GRAMD1C: variants seen among roughly 807,000 people sequenced by gnomAD.
GRAMD1C encodes GRAM domain containing 1C.
GRAMD1C carries 89 observed loss-of-function variants against 97.8 expected under a neutral mutation model. That is an observed-to-expected ratio of 0.91 (90% CI 0.77 to 1.09). GRAMD1C has a LOEUF of 1.09. GRAMD1C is among the 50% of genes least tolerant of loss of function. The pLI is 0.00. For synonymous variants in GRAMD1C, 256 were observed against 267.0 expected (o/e 0.96, Z 0.40); for missense variants, 740 against 766.4 (o/e 0.97, Z 0.41).
intron 2 of GRAMD1C, among the ~76,000 whole-genome samples, chr3:113,864,704 A>G (rs534214355): frequency 6.6e-6 from 1 of 152,194 alleles, no homozygotes; most frequent in Non-Finnish European, 1.5e-5. Context: ...CCACATTTCT[A>G]CGGACGTTCT....
rs543764776 is a variant in GRAMD1C at position 113,859,182 on chromosome 3, TCTC to T, written c.175-10322_175-10320del. Among the ~76,000 whole-genome samples the T allele has an allele frequency of 1.8e-4, 28 of 152,274 alleles. No individual in the cohort carries two copies. The South Asian group carries it at 2.7e-3, about 15-fold the overall frequency. On this transcript the variant is annotated intron_variant, in intron 2 of 17. Coordinates refer to ENST00000358160, the MANE Select transcript of GRAMD1C (RefSeq NM_017577.5). Reference sequence around the variant, plus strand: ...TTGGATGCTTAGATTATTTCAGACTTCTCCTTTTTTTCTAATGTGGGCATTTAG... The same window carrying T: ...TTGGATGCTTAGATTATTTCAGACTTCTTTTTTTCTAATGTGGGCATTTAG...
rs186153219 is a variant in GRAMD1C, at chr3:113,920,185, A to G, written c.1090+4347A>G. 1.6e-5 allele frequency: 22 copies of G among 1,357,408 alleles called. No individual in the cohort carries two copies. The African/African-American group carries it at 2.9e-4, about 18-fold the overall frequency. 84.1% of individuals were successfully genotyped at this position (1,357,408 alleles called of 1,614,324 possible). On this transcript the variant is annotated intron_variant, in intron 10 of 17. Transcript: ENST00000358160. ...CTCCAGAATCACAGGCATCTGCTCA[A>G]CAGCCTGAAATGTGAACTGAATAGG...
chr3:113,834,971 C>T (rs1410571863), upstream of GRAMD1C, among the ~76,000 whole-genome samples: 2 of 148,972 alleles, frequency 1.3e-5, no homozygotes, highest in Non-Finnish European at 3.0e-5. Flanking sequence ...CTGATATTTC[C>T]TTTTCCATGA....
chr3:113,897,589 A>G lies in GRAMD1C; in HGVS notation c.541-3442A>G, dbSNP rs958494787. The stretch of plus-strand genomic sequence containing the variant: ...TTAAACTACATTAGAAAAGCTTCTC[A>G]TAGCAAAACTGAGAGATTGAAGCAG... On this transcript the variant is annotated intron_variant, in intron 6 of 17. Coordinates refer to ENST00000358160, the MANE Select transcript of GRAMD1C (RefSeq NM_017577.5). 7 of 981,488 alleles carry G rather than the reference A, an allele frequency of 7.1e-6. No homozygotes were observed. The South Asian group carries it at 2.4e-4, about 33-fold the overall frequency. 60.8% of individuals were successfully genotyped at this position (981,488 alleles called of 1,614,324 possible).
At chr3:113,857,485 C>G (rs568919731) in intron 2 of GRAMD1C, among the ~76,000 whole-genome samples, 3 of 152,048 alleles carry the variant, frequency 2.0e-5, no homozygotes, top group Non-Finnish European at 4.4e-5. Context: ...ACACCATTCT[C>G]CTGCCTCAGC....
At chr3:113,901,001 A>G in intron 6 of GRAMD1C, 30 bp from the exon 7 acceptor site, 1 of 1,042,892 alleles carries the variant, frequency 9.6e-7, no homozygotes, top group African/African-American at 1.6e-5. Flanking sequence ...ATATTTTCCA[A>G]TGCTCAGTGT....
chr3:113,856,830 C>T (rs1013753602), intron 2 of GRAMD1C, among the ~76,000 whole-genome samples: 4 of 149,206 alleles, frequency 2.7e-5, no homozygotes, highest in African/African-American at 7.4e-5. Context: ...TGAGCCACTG[C>T]GCCCAGCTGC....
chr3:113,932,362 C>T (rs538763958), intron 11 of GRAMD1C, among the ~76,000 whole-genome samples: 13 of 152,038 alleles, frequency 8.6e-5, no homozygotes, highest in East Asian at 7.7e-4. Context: ...ACTTTGGAAG[C>T]CCCCCCAACC....
intron 8 of GRAMD1C, 58 bp from the exon 9 acceptor site, chr3:113,908,900 C>A: frequency 1.0e-6 from 1 of 1,001,472 alleles, no homozygotes; most frequent in Non-Finnish European, 1.5e-6. Context: ...AAAGTTCTCA[C>A]TGCAAAATCT....
intron 1 of GRAMD1C, among the ~76,000 whole-genome samples, chr3:113,841,289 T>TTTTTTC: frequency 1.5e-5 from 2 of 132,236 alleles, no homozygotes; most frequent in African/African-American, 2.8e-5. Flanking sequence ...TTCTTTCTTT[T>TTTTTTC]TTTTTTTTTT....
In GRAMD1C at chr3:113,909,016, C is replaced by T; in HGVS notation, c.848C>T (p.Thr283Ile). ...EKQTKKSLLP[T>I]LEKKLTRVPS... ...CAGACCAAAAAGAGTCTCTTACCAACTTTGGAAAAGAAGTTAACTAGAGTG... is the reference window on the plus strand; with the variant it reads ...CAGACCAAAAAGAGTCTCTTACCAATTTTGGAAAAGAAGTTAACTAGAGTG... The change falls in exon 9 of 18, where the codon ACT (threonine) becomes ATT (isoleucine). Residue 283 changes from threonine (T) to isoleucine (I), a missense_variant. Coordinates refer to ENST00000358160, the MANE Select transcript of GRAMD1C (RefSeq NM_017577.5). 6.3e-7 allele frequency: 1 copy of T among 1,577,684 alleles called. No individual in the cohort carries two copies.
rs199775678 is a variant in GRAMD1C at position 113,852,116 on chromosome 3, AT to A, written c.174+7476del. Among the ~76,000 whole-genome samples, 275 of 151,084 alleles carry A rather than the reference AT, an allele frequency of 1.8e-3. 1 individual carries two copies. The highest frequency in any genetic ancestry group is 3.1e-3 in the South Asian group (15 of 4,764). On this transcript the variant is annotated intron_variant, in intron 2 of 17. Transcript: ENST00000358160. ...TACTGAGAAGTGGGGAATAAAACTG[AT>A]TTTTTTTTGCCACAAATCTGTTTTA... is the stretch of plus-strand genomic sequence containing the variant.
chr3:113,898,628 A>G (rs1936027415), intron 6 of GRAMD1C, among the ~76,000 whole-genome samples: 1 of 152,082 alleles, frequency 6.6e-6, no homozygotes, highest in South Asian at 2.1e-4. Flanking sequence ...TTTGTCTACC[A>G]AATAAGGGGT....
intron 9 of GRAMD1C, among the ~76,000 whole-genome samples, chr3:113,910,375 T>C (rs1444234548): frequency 6.6e-6 from 1 of 152,168 alleles, no homozygotes; most frequent in Non-Finnish European, 1.5e-5. Flanking sequence ...AGTGTGAGAC[T>C]CCGTCTCAAA....
intron 1 of GRAMD1C, among the ~76,000 whole-genome samples, chr3:113,832,319 T>C (rs113844368): frequency 0.014 from 2,205 of 152,252 alleles, 50 homozygotes; most frequent in African/African-American, 0.048. Context: ...TGAGCCACTG[T>C]GCCTGGCATA....
upstream of GRAMD1C, among the ~76,000 whole-genome samples, chr3:113,834,485 C>A (rs1158112357): frequency 2.6e-5 from 4 of 152,162 alleles, no homozygotes; most frequent in Admixed American, 2.6e-4. Flanking sequence ...AGCCTCTACA[C>A]TTCCATTATA....
chr3:113,858,653 C>G (rs1265477669), intron 2 of GRAMD1C, among the ~76,000 whole-genome samples: 2 of 152,146 alleles, frequency 1.3e-5, no homozygotes, highest in East Asian at 3.8e-4. Flanking sequence ...CTTGTCTTCC[C>G]AAAGTGCTGG....
At chr3:113,922,568 C>T (rs940225029) in intron 10 of GRAMD1C, among the ~76,000 whole-genome samples, 4 of 152,054 alleles carry the variant, frequency 2.6e-5, no homozygotes, top group African/African-American at 4.8e-5. Context: ...TCAACTTTGT[C>T]GAAGACCAGA....
At chr3:113,875,122 T>C (rs1253709431) in intron 3 of GRAMD1C, among the ~76,000 whole-genome samples, 1 of 136,884 alleles carries the variant, frequency 7.3e-6, no homozygotes, top group Non-Finnish European at 1.6e-5. Flanking sequence ...ATTGATCTTT[T>C]CATGTTAAAG....
Sources: allele counts gnomAD v4.1 joint callset (sites outside exome capture counted in the v4.1 genomes callset), GRCh38; gene constraint gnomAD v4.1.1; transcripts MANE v1.5; gene names NCBI Gene and HGNC (gene_info 2026-07-23, HGNC 2026-07-21).